Variants in LTBP1 observed in about 807,000 individuals in gnomAD.
The protein encoded by LTBP1 is latent transforming growth factor beta binding protein 1, also known as latent-transforming growth factor beta-binding protein 1.
Under a neutral mutation model 207.6 loss-of-function variants are expected in LTBP1, and 129 were observed. The observed-to-expected ratio is 0.62, with a 90% confidence interval of 0.54 to 0.72. LTBP1 has a LOEUF of 0.72. Ranked by LOEUF, LTBP1 falls within the 30% of genes least tolerant of loss-of-function variation. LTBP1 has a pLI of 0.00. For missense variants in LTBP1, 2,281 were observed against 2,217.2 expected (o/e 1.03, Z -0.58); for synonymous variants, 963 against 833.7 (o/e 1.16, Z -2.67).
At chr2:33,181,475 A>C (rs530034082) in intron 5 of LTBP1, among the ~76,000 whole-genome samples, 1 of 152,302 alleles carries the variant, frequency 6.6e-6, no homozygotes, top group Admixed American at 6.5e-5. Flanking sequence ...TCCAGCATGG[A>C]TCCTTTTGCT....
At chr2:33,287,492 C>T (rs764189844) in intron 19 of LTBP1, among the ~76,000 whole-genome samples, 1 of 152,172 alleles carries the variant, frequency 6.6e-6, no homozygotes, top group African/African-American at 2.4e-5. Flanking sequence ...CTGGAATCAT[C>T]CCTTGCAAGC....
chr2:32,967,412 T>A (rs527984264), intron 2 of LTBP1, among the ~76,000 whole-genome samples: 2 of 152,284 alleles, frequency 1.3e-5, no homozygotes, highest in Non-Finnish European at 1.5e-5. Context: ...AAGCTTAGAT[T>A]ATTAATTTTA....
At chr2:33,113,384 T>G (rs536203689) in intron 4 of LTBP1, among the ~76,000 whole-genome samples, 2 of 152,312 alleles carry the variant, frequency 1.3e-5, no homozygotes, top group South Asian at 4.1e-4. Context: ...TTGTTTTGAA[T>G]AAGCAGGAAA....
chr2:33,319,698 C>A (rs113556035), intron 24 of LTBP1, among the ~76,000 whole-genome samples: 99 of 152,272 alleles, frequency 6.5e-4, no homozygotes, highest in African/African-American at 2.3e-3. Flanking sequence ...CCGGCACACC[C>A]CCCATCTCTA....
chr2:33,155,233 T>A (rs948521607), intron 5 of LTBP1, among the ~76,000 whole-genome samples: 2 of 152,110 alleles, frequency 1.3e-5, no homozygotes, highest in Non-Finnish European at 2.9e-5. Context: ...GCCTGGCTAA[T>A]TTTTGTATTT....
chr2:33,140,209 G>T (rs1483737755), intron 5 of LTBP1, among the ~76,000 whole-genome samples: 1 of 152,190 alleles, frequency 6.6e-6, no homozygotes. Flanking sequence ...AGCTGACTGT[G>T]TAGGTTCTCC....
chr2:33,115,437 C>A (rs933841659), intron 4 of LTBP1, among the ~76,000 whole-genome samples: 4 of 152,110 alleles, frequency 2.6e-5, no homozygotes, highest in African/African-American at 7.2e-5. Context: ...GCTGGTTGCA[C>A]AACCTGAAAA....
intron 9 of LTBP1, among the ~76,000 whole-genome samples, chr2:33,231,855 G>T (rs1160090609): frequency 1.3e-5 from 2 of 152,110 alleles, no homozygotes; most frequent in Non-Finnish European, 2.9e-5. Context: ...ACACTTACTG[G>T]ATTTGTTCTG....
chr2:33,396,437 G>T (rs941684324), intron 32 of LTBP1, among the ~76,000 whole-genome samples: 14 of 152,092 alleles, frequency 9.2e-5, no homozygotes, highest in African/African-American at 3.4e-4. Flanking sequence ...GGCCACGCTG[G>T]TCTTGAACTC....
At chr2:33,334,579 G>T (rs1390455546) in intron 24 of LTBP1, among the ~76,000 whole-genome samples, 1 of 152,194 alleles carries the variant, frequency 6.6e-6, no homozygotes, top group Non-Finnish European at 1.5e-5. Flanking sequence ...TGGATGTGGA[G>T]CAGTAATCAA....
rs1378144146 is a variant in LTBP1 at position 32,959,619 on chromosome 2, A to ATTTTTTTTTTTT, written c.565+10675_565+10676insTTTTTTTTTTTT. Among the ~76,000 whole-genome samples, 385 of 47,910 alleles carry ATTTTTTTTTTTT rather than the reference A, an allele frequency of 8.0e-3. 6 individuals are homozygous for ATTTTTTTTTTTT. Among genetic ancestry groups the ATTTTTTTTTTTT allele is most frequent in the Non-Finnish European group, 0.01 (285 of 27,286 alleles). The allele number at this position is 47,910 out of a possible 152,430, so 31.4% of individuals were successfully genotyped here. A position where few individuals can be genotyped will look rare whatever the true frequency, so the allele number is the denominator to read the frequency against. Reference sequence around the variant, plus strand: ...CGTGTATATATATATATATATATATATATTTTTTTTTTTTTTTTTGAGATG... The same window carrying ATTTTTTTTTTTT: ...CGTGTATATATATATATATATATATATTTTTTTTTTTTTATTTTTTTTTTTTTTTTTGAGATG... On this transcript the variant is annotated intron_variant, in intron 2 of 33. Coordinates refer to ENST00000404816, the MANE Select transcript of LTBP1 (RefSeq NM_206943.4).
Position 33,021,095 on chromosome 2 carries a change from A to T in LTBP1, c.752A>T (p.His251Leu), listed in dbSNP as rs975296068. The part of the protein sequence containing the change: ...SWGPPEQAAK[H>L]TSSKKADTLP... Reference sequence around the variant, plus strand: ...GGCCCTCCTGAGCAAGCAGCAAAGCATACTTCATCTAAGAAGGCAGACACT... The same window carrying T: ...GGCCCTCCTGAGCAAGCAGCAAAGCTTACTTCATCTAAGAAGGCAGACACT... Residue 251 changes from histidine to leucine, a missense_variant, in exon 3 of 34, where the codon CAT (histidine) becomes CTT (leucine). This residue lies in a region of LTBP1 where 555 missense variants were observed against 491.0 expected (regional missense o/e 1.13). Transcript: ENST00000404816. 1 of 1,614,154 alleles carries T rather than the reference A, an allele frequency of 6.2e-7. No homozygotes were observed. Among genetic ancestry groups the T allele is most frequent in the East Asian group, 2.2e-5 (1 of 44,874 alleles).
intron 5 of LTBP1, among the ~76,000 whole-genome samples, chr2:33,186,474 G>T (rs12466553): frequency 6.6e-6 from 1 of 151,586 alleles, no homozygotes; most frequent in Non-Finnish European, 1.5e-5. Flanking sequence ...CCTTGTTCTC[G>T]AGGAGTTTAT....
intron 7 of LTBP1, among the ~76,000 whole-genome samples, chr2:33,194,543 C>T (rs1051718826): frequency 1.3e-5 from 2 of 152,204 alleles, no homozygotes; most frequent in African/African-American, 2.4e-5. Flanking sequence ...TCAGCCAGAG[C>T]TCAATCCAGA....
rs186225486 is a variant in LTBP1 at position 33,081,560 on chromosome 2, T to C, written c.864-29022T>C. On this transcript the variant is annotated intron_variant, in intron 3 of 33. Transcript: ENST00000404816. ...GGGTAGGAAATCTCGGGCTCTGTAA[T>C]GTTGAAAGGACCTGGATTTGTTAGC... is the stretch of plus-strand genomic sequence containing the variant. Among the ~76,000 whole-genome samples the C allele has an allele frequency of 1.7e-3, 265 of 152,210 alleles. 2 individuals carry two copies. The South Asian group carries it at 0.031, about 18-fold the overall frequency.
chr2:32,997,858 A>T (rs1322870059), intron 2 of LTBP1, among the ~76,000 whole-genome samples: 1 of 152,192 alleles, frequency 6.6e-6, no homozygotes. Context: ...ACCATATTCC[A>T]GGAACCCAGC....
chr2:33,115,219 C>T (rs1016625857), intron 4 of LTBP1, among the ~76,000 whole-genome samples: 1 of 151,934 alleles, frequency 6.6e-6, no homozygotes, highest in South Asian at 2.1e-4. Flanking sequence ...TGAAAACAAG[C>T]CAAGTGAAAG....
intron 9 of LTBP1, among the ~76,000 whole-genome samples, chr2:33,228,544 G>A (rs2091582989): frequency 6.6e-6 from 1 of 151,994 alleles, no homozygotes; most frequent in Non-Finnish European, 1.5e-5. Context: ...TTTACTATGG[G>A]TTAGTCCATA....
At chr2:33,005,990 TTTTTTC>T in intron 2 of LTBP1, among the ~76,000 whole-genome samples, 1 of 152,314 alleles carries the variant, frequency 6.6e-6, no homozygotes, top group South Asian at 2.1e-4. Flanking sequence ...CACAATGGTC[TTTTTTC>T]TCTTTCTTCC....
Sources: gnomAD v4.1 joint callset for allele counts (sites outside exome capture counted in the v4.1 genomes callset) on GRCh38, gnomAD v4.1.1 for gene constraint, gnomAD v4.1.1 regional missense constraint, MANE v1.5 for transcripts, NCBI Gene and HGNC (gene_info 2026-07-23, HGNC 2026-07-21) for gene names.